Variants in SCAPER observed in about 807,000 individuals in gnomAD.
The protein encoded by SCAPER is S-phase cyclin A associated protein in the ER.
SCAPER carries 98 observed loss-of-function variants against 182.2 expected under a neutral mutation model. That is an observed-to-expected ratio of 0.54 (90% CI 0.46 to 0.64). The LOEUF (loss-of-function observed/expected upper bound fraction) is 0.64, where lower values mean the gene tolerates loss of function less well. SCAPER is among the 30% of genes least tolerant of loss of function. The probability of loss-of-function intolerance (pLI) is 0.00; values close to 1 mark genes in which losing one functional copy is unlikely to be tolerated. For missense variants in SCAPER, 1,432 were observed against 1,690.0 expected (o/e 0.85, Z 2.68); for synonymous variants, 605 against 564.6 (o/e 1.07, Z -1.01).
At chr15:76,851,138 A>G (rs2070715648) in intron 4 of SCAPER, among the ~76,000 whole-genome samples, 1 of 152,180 alleles carries the variant, frequency 6.6e-6, no homozygotes, top group Non-Finnish European at 1.5e-5. Flanking sequence ...AATAAGACTG[A>G]CAAAAATAAA....
Position 76,599,192 on chromosome 15 carries a change from A to G in SCAPER, c.2711+22572T>C, listed in dbSNP as rs568585227. Among the ~76,000 whole-genome samples the G allele has an allele frequency of 9.9e-5, 12 of 121,382 alleles. 1 individual carries two copies. The highest frequency in any genetic ancestry group is 2.5e-4 in the African/African-American group (10 of 39,874). 79.6% of individuals were successfully genotyped at this position (121,382 alleles called of 152,430 possible). A position where few individuals can be genotyped will look rare whatever the true frequency, so the allele number is the denominator to read the frequency against. On this transcript the variant is annotated intron_variant, in intron 22 of 31. Coordinates refer to ENST00000563290, the MANE Select transcript of SCAPER (RefSeq NM_020843.4). ...CTCAACACCATTAGGATTATCATGG[A>G]AACTCTAAATAAAATTTAAAAATGC...
chr15:76,382,036 A>AG (rs1275229021), intron 27 of SCAPER, among the ~76,000 whole-genome samples: 1 of 152,220 alleles, frequency 6.6e-6, no homozygotes, highest in Non-Finnish European at 1.5e-5. Flanking sequence ...GGCAGCTATT[A>AG]GGGAAAGCAT....
intron 22 of SCAPER, among the ~76,000 whole-genome samples, chr15:76,582,147 T>C (rs2048317047): frequency 6.6e-6 from 1 of 152,088 alleles, no homozygotes; most frequent in Non-Finnish European, 1.5e-5. Context: ...GCATCCAAAT[T>C]GAAAAATAAA....
At chr15:76,850,312 A>G (rs2070604471) in intron 4 of SCAPER, among the ~76,000 whole-genome samples, 1 of 152,158 alleles carries the variant, frequency 6.6e-6, no homozygotes. Context: ...TCTCCTCCCT[A>G]GGAACCCCTG....
At chr15:76,547,507 T>C (rs1160410205) in intron 23 of SCAPER, among the ~76,000 whole-genome samples, 1 of 152,176 alleles carries the variant, frequency 6.6e-6, no homozygotes, top group Non-Finnish European at 1.5e-5. Context: ...TAGTTTAATA[T>C]GATCAATCAC....
Position 76,495,989 on chromosome 15 carries a change from GAGAGACACACACACACACACAC to G in SCAPER, c.2954+8848_2954+8869del, listed in dbSNP as rs1368901313. Among the ~76,000 whole-genome samples, 38 of 105,566 alleles carry G rather than the reference GAGAGACACACACACACACACAC, an allele frequency of 3.6e-4. 1 individual carries two copies. In the East Asian group the frequency reaches 4.8e-3, roughly 13 times the overall value. The allele number at this position is 105,566 out of a possible 152,430, so 69.3% of individuals were successfully genotyped here. A position where few individuals can be genotyped will look rare whatever the true frequency, so the allele number is the denominator to read the frequency against. The stretch of plus-strand genomic sequence containing the variant: ...GGAGAAAGAGAAAGAAAGCAAAAGA[GAGAGACACACACACACACACAC>G]ACACACACACACACACACACACACA... On this transcript the variant is annotated intron_variant, in intron 24 of 31. Transcript: ENST00000563290.
At chr15:76,848,164 C>T (rs570497217) in intron 4 of SCAPER, among the ~76,000 whole-genome samples, 1 of 151,316 alleles carries the variant, frequency 6.6e-6, no homozygotes, top group South Asian at 2.1e-4. Context: ...TCATGCCTGG[C>T]TAATTTTTCT....
intron 4 of SCAPER, among the ~76,000 whole-genome samples, chr15:76,842,987 GTT>G (rs1244138158): frequency 6.6e-6 from 1 of 152,056 alleles, no homozygotes; most frequent in African/African-American, 2.4e-5. Flanking sequence ...CCTTCCCAAA[GTT>G]TTTTTCTACA....
At chr15:76,452,579 CTTTCA>C (rs998948595) in intron 25 of SCAPER, among the ~76,000 whole-genome samples, 3 of 152,144 alleles carry the variant, frequency 2.0e-5, no homozygotes. Context: ...CTTCACTTTC[CTTTCA>C]TAAGAACAAT....
At chr15:76,387,424 G>T (rs1398460809) in intron 27 of SCAPER, among the ~76,000 whole-genome samples, 1 of 152,198 alleles carries the variant, frequency 6.6e-6, no homozygotes, top group Non-Finnish European at 1.5e-5. Context: ...ATATACAGTA[G>T]CTATTCAATA....
At position 76,657,106 on chromosome 15, in the gene SCAPER, GA is replaced by G. The variant is rs576668505; in HGVS notation, c.2645+8546del. On this transcript the variant is annotated intron_variant, in intron 21 of 31. Transcript: ENST00000563290. ...TCATGCAAATGACCAACAAATCCAA[GA>G]GTTGATTTTTTTGACAGACAAAGTA... Among the ~76,000 whole-genome samples, 40 of 152,072 alleles carry G rather than the reference GA, an allele frequency of 2.6e-4. 1 individual carries two copies. In the South Asian group the frequency reaches 8.1e-3, roughly 31 times the overall value.
In SCAPER at chr15:76,736,057, T is replaced by C. The variant is rs149268918; in HGVS notation, c.1867-2673A>G. Among the ~76,000 whole-genome samples the C allele has an allele frequency of 3.5e-3, 527 of 152,296 alleles. 5 individuals carry two copies. Among genetic ancestry groups the C allele is most frequent in the African/African-American group, 0.012 (489 of 41,566 alleles). On this transcript the variant is annotated intron_variant, in intron 15 of 31. Transcript: ENST00000563290. ...ACCTCAAAGATATTACAAGTTTGGT[T>C]CCAGCCCACCACAATAAACTGAGTA...
chr15:76,687,904 T>G (rs1482544344), intron 20 of SCAPER, among the ~76,000 whole-genome samples: 1 of 152,222 alleles, frequency 6.6e-6, no homozygotes, highest in Admixed American at 6.5e-5. Context: ...TAAACATACA[T>G]GTACATGTGT....
intron 23 of SCAPER, among the ~76,000 whole-genome samples, chr15:76,563,024 A>T (rs1340531162): frequency 6.6e-6 from 1 of 152,234 alleles, no homozygotes; most frequent in Admixed American, 6.5e-5. Context: ...TTTAACTAAC[A>T]TGTGGTGTTT....
intron 26 of SCAPER, among the ~76,000 whole-genome samples, chr15:76,406,642 ACACACACT>A (rs1393194165): frequency 6.6e-6 from 1 of 151,766 alleles, no homozygotes; most frequent in African/African-American, 2.4e-5. Context: ...ACACACACAC[ACACACACT>A]AGCAAACAAA....
At chr15:76,613,001 C>G (rs1174164714) in intron 22 of SCAPER, among the ~76,000 whole-genome samples, 1 of 152,196 alleles carries the variant, frequency 6.6e-6, no homozygotes, top group East Asian at 1.9e-4. Context: ...TGGGAGGCAT[C>G]AAGCTACCTG....
chr15:76,486,366 G>A (rs984196547), intron 24 of SCAPER, among the ~76,000 whole-genome samples: 7 of 152,018 alleles, frequency 4.6e-5, no homozygotes, highest in African/African-American at 1.5e-4. Flanking sequence ...CTGACAAATG[G>A]GATCTAATTA....
intron 20 of SCAPER, among the ~76,000 whole-genome samples, chr15:76,672,849 T>C (rs895118135): frequency 2.0e-4 from 31 of 152,142 alleles, no homozygotes; most frequent in African/African-American, 7.5e-4. Context: ...AAGTGAAGAA[T>C]ATAAATACTG....
rs190358252 is a variant in SCAPER at position 76,398,887 on chromosome 15, C to T, written c.3467+5637G>A. Among the ~76,000 whole-genome samples, 427 of 152,250 alleles carry T rather than the reference C, an allele frequency of 2.8e-3. 5 individuals carry two copies. The highest frequency in any genetic ancestry group is 4.2e-3 in the Non-Finnish European group (283 of 68,026). On this transcript the variant is annotated intron_variant, in intron 27 of 31. Coordinates refer to ENST00000563290, the MANE Select transcript of SCAPER (RefSeq NM_020843.4). ...GCTTCCTGGCTTTGTTGCCATAGTG[C>T]CTAGCACAGTTAGGAATACTGTAAA...
Sources: gnomAD v4.1 joint callset for allele counts (sites outside exome capture counted in the v4.1 genomes callset) on GRCh38, gnomAD v4.1.1 for gene constraint, MANE v1.5 for transcripts, NCBI Gene and HGNC (gene_info 2026-07-23, HGNC 2026-07-21) for gene names.